RNLS: variants seen among roughly 807,000 people sequenced by gnomAD.
RNLS encodes the protein renalase.
Under a neutral mutation model 39.8 loss-of-function variants are expected in RNLS, and 39 were observed. The ratio of observed to expected loss-of-function variants is 0.98; its 90% CI spans 0.76 to 1.28. RNLS has a LOEUF of 1.28. RNLS is among the 50% of genes most tolerant of loss of function. RNLS has a pLI of 0.00. For missense variants in RNLS, 410 were observed against 413.3 expected, an observed-to-expected ratio of 0.99 and a Z score of 0.07; for synonymous variants, 147 against 150.7, an observed-to-expected ratio of 0.98 and a Z score of 0.18.
At chr10:88,333,988 G>T (rs567633350) in intron 5 of RNLS, among the ~76,000 whole-genome samples, 1 of 152,142 alleles carries the variant, frequency 6.6e-6, no homozygotes, top group Non-Finnish European at 1.5e-5. Flanking sequence ...AATTTATACT[G>T]CTTAGAAACT....
intron 4 of RNLS, among the ~76,000 whole-genome samples, chr10:88,420,412 T>C (rs1589762014): frequency 6.6e-6 from 1 of 152,316 alleles, no homozygotes; most frequent in African/African-American, 2.4e-5. Context: ...TATAAATTTA[T>C]TCTTACACAG....
At chr10:88,413,512 C>G (rs1195119373) in intron 4 of RNLS, among the ~76,000 whole-genome samples, 1 of 152,184 alleles carries the variant, frequency 6.6e-6, no homozygotes, top group East Asian at 1.9e-4. Context: ...CTGGATTTTA[C>G]ATCAACTGGA....
chr10:88,371,181 T>TA (rs71310990), intron 4 of RNLS, among the ~76,000 whole-genome samples: 4,001 of 152,056 alleles, frequency 0.026, 100 homozygotes, highest in South Asian at 0.11. Flanking sequence ...TAAAGATTGT[T>TA]AAAAAAAATT....
At chr10:88,385,966 C>G (rs748685651) in intron 4 of RNLS, among the ~76,000 whole-genome samples, 5 of 152,224 alleles carry the variant, frequency 3.3e-5, no homozygotes, top group Non-Finnish European at 7.3e-5. Context: ...ATTTAATAGC[C>G]TGCTTGCACA....
chr10:88,397,075 T>C (rs1235619808), intron 4 of RNLS, among the ~76,000 whole-genome samples: 1 of 151,854 alleles, frequency 6.6e-6, no homozygotes, highest in Non-Finnish European at 1.5e-5. Flanking sequence ...AGAAGATCAA[T>C]AAAGAAATAG....
At chr10:88,506,539 G>T (rs1247863552) in intron 4 of RNLS, among the ~76,000 whole-genome samples, 2 of 150,742 alleles carry the variant, frequency 1.3e-5, no homozygotes, top group Non-Finnish European at 1.5e-5. Flanking sequence ...AAACAAATGA[G>T]CAAAAATTAA....
intron 2 of RNLS, 133 bp from the exon 3 acceptor site, chr10:88,581,842 G>T: frequency 1.8e-6 from 1 of 568,374 alleles, no homozygotes; most frequent in African/African-American, 1.9e-5. Context: ...TGAATATTTT[G>T]TATTAAATAA....
intron 5 of RNLS, among the ~76,000 whole-genome samples, chr10:88,355,633 C>G (rs940023304): frequency 6.6e-6 from 1 of 152,168 alleles, no homozygotes; most frequent in Non-Finnish European, 1.5e-5. Context: ...CTGAGGGGTG[C>G]CTCCGAGATA....
intron 4 of RNLS, among the ~76,000 whole-genome samples, chr10:88,554,678 T>C (rs558940272): frequency 3.9e-5 from 6 of 152,072 alleles, no homozygotes; most frequent in Non-Finnish European, 8.8e-5. Flanking sequence ...GTTGATGTGC[T>C]CTGCCCTCCT....
At chr10:88,557,221 A>C (rs887736789) in intron 4 of RNLS, among the ~76,000 whole-genome samples, 3 of 152,196 alleles carry the variant, frequency 2.0e-5, no homozygotes, top group Admixed American at 6.6e-5. Context: ...AATAGAAAGC[A>C]AATTCTGCTT....
chr10:88,177,781 G>T, the RNLS span, among the ~76,000 whole-genome samples: 1 of 152,206 alleles, frequency 6.6e-6, no homozygotes, highest in Non-Finnish European at 1.5e-5. Flanking sequence ...AGGTTGGGTA[G>T]GTTGCTCTGG....
intron 4 of RNLS, chr10:88,545,531 T>C (rs1848258876): frequency 4.4e-6 from 2 of 451,208 alleles, no homozygotes; most frequent in Admixed American, 2.4e-5. Context: ...TTATTCACTA[T>C]CACAAGTACA....
chr10:88,481,114 T>C (rs2134018695), intron 4 of RNLS, among the ~76,000 whole-genome samples: 1 of 152,320 alleles, frequency 6.6e-6, no homozygotes, highest in Middle Eastern at 3.4e-3. Context: ...CTATTTTATC[T>C]GGTAACAGTA....
intron 4 of RNLS, among the ~76,000 whole-genome samples, chr10:88,534,827 G>A (rs1847645084): frequency 6.6e-6 from 1 of 152,146 alleles, no homozygotes; most frequent in Non-Finnish European, 1.5e-5. Flanking sequence ...AAATGTGGGA[G>A]TTGGAGGGAG....
At chr10:88,282,187 A>T (rs946353872), downstream of RNLS, among the ~76,000 whole-genome samples, 1 of 152,140 alleles carries the variant, frequency 6.6e-6, no homozygotes, top group Admixed American at 6.6e-5. Flanking sequence ...ATATCACATC[A>T]GGATTAGTGT....
At chr10:88,505,968 G>A (rs756818872) in intron 4 of RNLS, among the ~76,000 whole-genome samples, 8 of 152,098 alleles carry the variant, frequency 5.3e-5, no homozygotes, top group Non-Finnish European at 1.0e-4. Flanking sequence ...TTGTGAACTT[G>A]TTAGAAATTC....
intron 4 of RNLS, among the ~76,000 whole-genome samples, chr10:88,367,520 G>A (rs1466287929): frequency 6.6e-6 from 1 of 152,122 alleles, no homozygotes; most frequent in Non-Finnish European, 1.5e-5. Context: ...CATATTTAAT[G>A]TGAAGAACAT....
chr10:88,287,954 C>G (rs1044762165), intron 6 of RNLS, among the ~76,000 whole-genome samples: 8 of 152,008 alleles, frequency 5.3e-5, no homozygotes, highest in African/African-American at 1.9e-4. Context: ...TATAAAAACT[C>G]AAAACCCAGA....
intron 4 of RNLS, among the ~76,000 whole-genome samples, chr10:88,458,027 C>A (rs1411099088): frequency 6.6e-6 from 1 of 152,194 alleles, no homozygotes; most frequent in Non-Finnish European, 1.5e-5. Flanking sequence ...CACCCTTAAG[C>A]CTGAATGGTA....
Sources: allele counts gnomAD v4.1 joint callset (sites outside exome capture counted in the v4.1 genomes callset), GRCh38; gene constraint gnomAD v4.1.1; transcripts MANE v1.5; gene names NCBI Gene and HGNC (gene_info 2026-07-23, HGNC 2026-07-21).